Variants in ZNF263 observed in about 807,000 individuals in gnomAD.
ZNF263 encodes the protein zinc finger protein 263.
Under a neutral mutation model 63.1 loss-of-function variants are expected in ZNF263, and 49 were observed. That is an observed-to-expected ratio of 0.78 (90% CI 0.62 to 0.99). The LOEUF is 0.99. Ranked by LOEUF, ZNF263 falls within the 50% of genes least tolerant of loss-of-function variation. ZNF263 has a pLI of 0.00. For synonymous variants in ZNF263, 352 were observed against 324.2 expected (o/e 1.09, Z -0.92); for missense variants, 872 against 854.8 (o/e 1.02, Z -0.25).
intron 5 of ZNF263, 139 bp downstream of exon 5, chr16:3,288,709 G>A (rs772506545): frequency 3.5e-5 from 19 of 548,716 alleles, no homozygotes; most frequent in Non-Finnish European, 4.2e-5. Flanking sequence ...GCAACAGTGC[G>A]ATCTCGGCTC....
chr16:3,297,349 A>C (rs1261247757), intron 1 of ZNF263, among the ~76,000 whole-genome samples: 1 of 151,704 alleles, frequency 6.6e-6, no homozygotes, highest in Non-Finnish European at 1.5e-5. Flanking sequence ...ATGGCAAGGT[A>C]CTAGAGCAAG....
intron 1 of ZNF263, among the ~76,000 whole-genome samples, chr16:3,297,026 C>T (rs1194630991): frequency 1.3e-5 from 2 of 152,014 alleles, no homozygotes; most frequent in African/African-American, 4.8e-5. Flanking sequence ...ATTCACAGGC[C>T]GGGCGCAGTG....
At position 3,284,195 on chromosome 16, in the gene ZNF263, T is replaced by G; in HGVS notation, c.377T>G (p.Leu126Arg). Residue 126 changes from leucine (L) to arginine (R), a missense_variant, in exon 1 of 6, where the codon CTG (leucine) becomes CGG (arginine). By Grantham distance (102) the Leu-to-Arg change is moderately radical. Coordinates refer to ENST00000219069, the MANE Select transcript of ZNF263 (RefSeq NM_005741.5). ...VEDMQRELGR[L>R]RQQVTNHGRG... ...GATATGCAGAGAGAGCTTGGGAGACTGAGACAACAGGTGAGAGAGAGAGAG... is the reference window on the plus strand; with the variant it reads ...GATATGCAGAGAGAGCTTGGGAGACGGAGACAACAGGTGAGAGAGAGAGAG... 6.5e-7 allele frequency: 1 copy of G among 1,539,114 alleles called. No homozygotes were observed. Among genetic ancestry groups the G allele is most frequent in the Non-Finnish European group, 8.8e-7 (1 of 1,140,730 alleles).
At position 3,288,596 on chromosome 16, in the gene ZNF263, C is replaced by T. The variant is rs192655375; in HGVS notation, c.886+26C>T. The T allele has an allele frequency of 1.4e-4, 217 of 1,542,090 alleles. No individual in the cohort carries two copies. In the East Asian group the frequency reaches 3.7e-3, roughly 26 times the overall value. ...GTAAGGAATGAAGACAAGTGGCCTG[C>T]GCAGCAAGCAGCAAGGCTCTTGCAG... On this transcript the variant is annotated intron_variant, in intron 5 of 5. Coordinates refer to ENST00000219069, the MANE Select transcript of ZNF263 (RefSeq NM_005741.5).
chr16:3,284,295 C>G (rs1165266188), intron 1 of ZNF263, 90 bp downstream of exon 1: 4 of 1,429,972 alleles, frequency 2.8e-6, no homozygotes, highest in Non-Finnish European at 3.7e-6. Flanking sequence ...AGTAAATTGC[C>G]CTGAGTAGAC....
chr16:3,285,538 T>G, intron 2 of ZNF263, 143 bp from the exon 3 acceptor site: 2 of 816,228 alleles, frequency 2.5e-6, no homozygotes, highest in Non-Finnish European at 4.0e-6. Flanking sequence ...ATTTTGGATA[T>G]CAGCTGATTA....
intron 4 of ZNF263, among the ~76,000 whole-genome samples, chr16:3,287,405 CTTTTTTTT>C (rs34751211): frequency 1.0e-5 from 1 of 97,868 alleles, no homozygotes; most frequent in African/African-American, 4.1e-5. Context: ...CACACCCGGC[CTTTTTTTT>C]TTTTTTTTTT....
chr16:3,296,150 G>T (rs1226078375), downstream of ZNF263, among the ~76,000 whole-genome samples: 1 of 152,192 alleles, frequency 6.6e-6, no homozygotes, highest in Non-Finnish European at 1.5e-5. Context: ...CACATCCCAT[G>T]GTGGTTTGTT....
chr16:3,297,566 G>A (rs1223168901), intron 1 of ZNF263, among the ~76,000 whole-genome samples: 1 of 138,210 alleles, frequency 7.2e-6, no homozygotes, highest in Admixed American at 8.2e-5. Flanking sequence ...CCAGGTTCAC[G>A]CCATTTTCCT....
exon 2 of ZNF263, chr16:3,299,118 TCTCTGA>T: frequency 6.8e-7 from 1 of 1,460,652 alleles, no homozygotes; most frequent in African/African-American, 1.4e-5. Flanking sequence ...TGAAGTGGAA[TCTCTGA>T]AACTCAGGTG....
chr16:3,287,405 C>CTTGTTT, intron 4 of ZNF263, among the ~76,000 whole-genome samples: 2 of 97,866 alleles, frequency 2.0e-5, no homozygotes, highest in African/African-American at 4.1e-5. Context: ...CACACCCGGC[C>CTTGTTT]TTTTTTTTTT....
At position 3,283,651 on chromosome 16, in the gene ZNF263, C is replaced by T; in HGVS notation, c.-168C>T. On this transcript the variant is annotated 5_prime_UTR_variant, in exon 1 of 6. Transcript: ENST00000219069. ...GGCGGCGCCTGGGACCGACTGAGGCCTAGGCGCCGGAGCCGGCCGCGCCTG... is the reference window on the plus strand; with the variant it reads ...GGCGGCGCCTGGGACCGACTGAGGCTTAGGCGCCGGAGCCGGCCGCGCCTG... 1 of 1,165,384 alleles carries T rather than the reference C, an allele frequency of 8.6e-7. No individual in the cohort carries two copies. The highest frequency in any genetic ancestry group is 2.8e-5 in the South Asian group (1 of 35,788). 72.2% of individuals were successfully genotyped at this position (1,165,384 alleles called of 1,614,324 possible).
At chr16:3,285,910 T>A (rs761963427) in intron 3 of ZNF263, 113 bp from the exon 4 acceptor site, 141 of 1,581,578 alleles carry the variant, frequency 8.9e-5, no homozygotes, top group Admixed American at 2.5e-4. Flanking sequence ...CTGATACCCT[T>A]CTTCCCCCCT....
intron 5 of ZNF263, among the ~76,000 whole-genome samples, chr16:3,288,932 C>T (rs1032574747): frequency 1.3e-5 from 2 of 151,984 alleles, no homozygotes; most frequent in African/African-American, 2.4e-5. Context: ...TGTGAGCCAC[C>T]GCCCCCAGCA....
chr16:3,294,287 G>A (rs906261013), downstream of ZNF263, among the ~76,000 whole-genome samples: 3 of 152,292 alleles, frequency 2.0e-5, no homozygotes, highest in Admixed American at 2.0e-4. Context: ...TTTGGAATGT[G>A]CAAAATCACC....
Position 3,283,766 on chromosome 16 carries a change from C to T in ZNF263, c.-53C>T. On this transcript the variant is annotated 5_prime_UTR_variant, in exon 1 of 6. Coordinates refer to ENST00000219069, the MANE Select transcript of ZNF263 (RefSeq NM_005741.5). ...CCAACCTTACATGGGTTCAGGGCGC[C>T]TTCGTAGGCGGGCACGGCTGGTTTC... The T allele has an allele frequency of 6.7e-7, 1 of 1,496,260 alleles. No individual in the cohort carries two copies. 92.7% of individuals were successfully genotyped at this position (1,496,260 alleles called of 1,614,324 possible). A position where few individuals can be genotyped will look rare whatever the true frequency, so the allele number is the denominator to read the frequency against.
chr16:3,289,427 G>A lies in ZNF263; in HGVS notation c.921G>A (p.Pro307=), dbSNP rs141172056. The A allele has an allele frequency of 4.8e-4, 731 of 1,519,228 alleles. 3 individuals are homozygous for A. Among genetic ancestry groups the A allele is most frequent in the South Asian group, 4.3e-3 (320 of 74,770 alleles). 94.1% of individuals were successfully genotyped at this position (1,519,228 alleles called of 1,614,324 possible). ...EEKFENLEGV[P]SVCSENIHPQ... ...AATTTGAGAACCTGGAAGGTGTTCCGTCTGTATGCTCTGAGAACATCCACC... is the reference window on the plus strand; with the variant it reads ...AATTTGAGAACCTGGAAGGTGTTCCATCTGTATGCTCTGAGAACATCCACC... The change falls in exon 6 of 6, where the codon CCG becomes CCA. Residue 307 remains proline (P), a synonymous_variant. Transcript: ENST00000219069.
At position 3,286,153 on chromosome 16, in the gene ZNF263, AGGAC is replaced by A; in HGVS notation, c.769+5_769+8del. ...TATGAGAATGTGGACTCACTGGGTA[AGGAC>A]TTCTTTTCCAGGGATGATGACTGCG... On this transcript the variant is annotated splice_donor_5th_base_variant and intron_variant, in intron 4 of 5. Transcript: ENST00000219069. 6.3e-7 allele frequency: 1 copy of A among 1,582,746 alleles called. No individual in the cohort carries two copies. The highest frequency in any genetic ancestry group is 8.5e-7 in the Non-Finnish European group (1 of 1,170,026).
chr16:3,285,025 G>C, intron 1 of ZNF263, 34 bp from the exon 2 acceptor site: 2 of 1,611,984 alleles, frequency 1.2e-6, no homozygotes, highest in Non-Finnish European at 1.7e-6. Context: ...CTTGGGCCCT[G>C]TTGTGATGAT....
Sources: gnomAD v4.1 joint callset for allele counts (sites outside exome capture counted in the v4.1 genomes callset) on GRCh38, gnomAD v4.1.1 for gene constraint, MANE v1.5 for transcripts, NCBI Gene and HGNC (gene_info 2026-07-23, HGNC 2026-07-21) for gene names.